The following CCSER2 variants were observed in gnomAD, a reference collection of about 807,000 sequenced individuals.
The protein encoded by CCSER2 is serine-rich coiled-coil domain-containing protein 2.
CCSER2 carries 46 observed loss-of-function variants against 92.3 expected under a neutral mutation model. The ratio of observed to expected loss-of-function variants is 0.50; its 90% CI spans 0.39 to 0.64. The LOEUF (loss-of-function observed/expected upper bound fraction) is 0.64. Among genes scored for constraint, CCSER2 ranks in the 30% least tolerant of loss-of-function variants. The probability of loss-of-function intolerance (pLI) is 0.00; values close to 1 mark genes in which losing one functional copy is unlikely to be tolerated. For synonymous variants in CCSER2, 433 were observed against 431.4 expected, an observed-to-expected ratio of 1.00 and a Z score of -0.04; for missense variants, 1,244 against 1,238.9, an observed-to-expected ratio of 1.00 and a Z score of -0.06.
chr10:84,462,470 G>T (rs1425581225), intron 6 of CCSER2, among the ~76,000 whole-genome samples: 1 of 152,144 alleles, frequency 6.6e-6, no homozygotes, highest in Non-Finnish European at 1.5e-5. Flanking sequence ...TTGTAGGTAG[G>T]ACTGGCGATG....
In CCSER2 at chr10:84,372,387, A is replaced by T. The variant is rs1361837565; in HGVS notation, c.1335A>T (p.Pro445=). 1 of 1,609,972 alleles carries T rather than the reference A, an allele frequency of 6.2e-7. No individual in the cohort carries two copies. Among genetic ancestry groups the T allele is most frequent in the Admixed American group, 1.7e-5 (1 of 59,158 alleles). ...AAGAAGAGAAACATGAAAATGGGCC[A>T]CCACAGGATATGTTTGATTCCCCCA... The part of the protein sequence containing the change: ...SLKEEKHENG[P]PQDMFDSPKE... Residue 445 remains proline (P), a synonymous_variant, in exon 2 of 10, where the codon CCA becomes CCT. Transcript: ENST00000372088.
In CCSER2 at chr10:84,517,420, A is replaced by G. The variant is rs1448639171; in HGVS notation, c.*3153A>G. On this transcript the variant is annotated 3_prime_UTR_variant, in exon 10 of 10. Coordinates refer to ENST00000372088, the MANE Select transcript of CCSER2 (RefSeq NM_001284240.2). ...TTGGAGTCTCATTTTTATTTGTGCAATATTTTCAGGCATATAGGCTACTGT... is the reference window on the plus strand; with the variant it reads ...TTGGAGTCTCATTTTTATTTGTGCAGTATTTTCAGGCATATAGGCTACTGT... 1.1e-4 allele frequency: 17 copies of G among 152,740 alleles called. No individual in the cohort carries two copies. In the South Asian group the frequency reaches 3.1e-3, roughly 28 times the overall value. 9.5% of individuals were successfully genotyped at this position (152,740 alleles called of 1,614,324 possible).
chr10:84,348,209 G>T (rs1012009483), intron 1 of CCSER2, among the ~76,000 whole-genome samples: 19 of 152,244 alleles, frequency 1.2e-4, no homozygotes, highest in African/African-American at 4.6e-4. Flanking sequence ...CCAGCACCTC[G>T]GGAGGCCGAG....
intron 1 of CCSER2, among the ~76,000 whole-genome samples, chr10:84,335,226 CTCTTTTT>C (rs1170991640): frequency 4.8e-4 from 46 of 95,068 alleles, no homozygotes; most frequent in Admixed American, 1.5e-3. Context: ...TTCTCTCTCT[CTCTTTTT>C]TTTTTTTTTT....
At chr10:84,432,571 T>C (rs6585861) in intron 5 of CCSER2, among the ~76,000 whole-genome samples, 31,903 of 152,198 alleles carry the variant, frequency 0.21, 3,604 homozygotes, top group Admixed American at 0.34. Context: ...CATTTTAAAA[T>C]TGGGTTGTTT....
intron 4 of CCSER2, among the ~76,000 whole-genome samples, chr10:84,423,873 A>C (rs1843280625): frequency 6.6e-6 from 1 of 150,534 alleles, no homozygotes; most frequent in South Asian, 2.1e-4. Flanking sequence ...AAGCCTGGGC[A>C]TGGTGATTCA....
chr10:84,335,576 A>G (rs1474643500), intron 1 of CCSER2, among the ~76,000 whole-genome samples: 1 of 151,966 alleles, frequency 6.6e-6, no homozygotes, highest in Non-Finnish European at 1.5e-5. Context: ...ATTAAATTCC[A>G]GTCCTGTTTT....
At chr10:84,388,560 C>A (rs1373276380) in intron 3 of CCSER2, among the ~76,000 whole-genome samples, 2 of 152,126 alleles carry the variant, frequency 1.3e-5, no homozygotes, top group African/African-American at 4.8e-5. Context: ...CCCTCCCACC[C>A]CCTTGAGCCA....
intron 9 of CCSER2, among the ~76,000 whole-genome samples, chr10:84,488,995 T>C (rs1294131459): frequency 3.3e-5 from 5 of 152,236 alleles, no homozygotes; most frequent in Admixed American, 2.6e-4. Context: ...TTTCGTTATG[T>C]ACCCAGTAGT....
intron 3 of CCSER2, among the ~76,000 whole-genome samples, chr10:84,406,356 T>G (rs1842376517): frequency 6.6e-6 from 1 of 152,176 alleles, no homozygotes; most frequent in Non-Finnish European, 1.5e-5. Flanking sequence ...TGTTTACACA[T>G]CTATTTGTGC....
chr10:84,456,489 G>A (rs1240664541), intron 6 of CCSER2, among the ~76,000 whole-genome samples: 1 of 152,110 alleles, frequency 6.6e-6, no homozygotes, highest in Non-Finnish European at 1.5e-5. Context: ...ACCAGCTGAA[G>A]GGTATTTATG....
At chr10:84,457,700 A>G (rs953173525) in intron 6 of CCSER2, among the ~76,000 whole-genome samples, 8 of 122,172 alleles carry the variant, frequency 6.5e-5, no homozygotes, top group South Asian at 2.3e-4. Flanking sequence ...ATATTTATAT[A>G]TAATTATATT....
At position 84,353,396 on chromosome 10, in the gene CCSER2, G is replaced by A. The variant is rs964841021; in HGVS notation, c.-39-17618G>A. Among the ~76,000 whole-genome samples the A allele has an allele frequency of 2.6e-5, 4 of 152,074 alleles. No individual in the cohort carries two copies. In the South Asian group the frequency reaches 6.2e-4, roughly 24 times the overall value. Reference sequence around the variant, plus strand: ...TATGCCAGGCTCTGTGCTAGATGCTGAGTATTAAAAAAACGAGTCTTTAAT... The same window carrying A: ...TATGCCAGGCTCTGTGCTAGATGCTAAGTATTAAAAAAACGAGTCTTTAAT... On this transcript the variant is annotated intron_variant, in intron 1 of 9. Transcript: ENST00000372088.
chr10:84,436,634 CAAAAAAAA>C (rs71013322), intron 5 of CCSER2, among the ~76,000 whole-genome samples: 3 of 93,932 alleles, frequency 3.2e-5, no homozygotes, highest in African/African-American at 1.3e-4. Flanking sequence ...GACTCCGTCT[CAAAAAAAA>C]AAAAAAAAAA....
intron 3 of CCSER2, among the ~76,000 whole-genome samples, chr10:84,404,216 G>A (rs537820006): frequency 6.6e-6 from 1 of 152,286 alleles, no homozygotes; most frequent in African/African-American, 2.4e-5. Context: ...GGGGCTCCAT[G>A]CCTTGATCCT....
chr10:84,453,751 G>A (rs533422645), intron 6 of CCSER2, among the ~76,000 whole-genome samples: 1 of 152,178 alleles, frequency 6.6e-6, no homozygotes, highest in South Asian at 2.1e-4. Flanking sequence ...AGTATTTTCA[G>A]GCTATTGTAT....
intron 3 of CCSER2, among the ~76,000 whole-genome samples, chr10:84,396,791 C>T (rs543182571): frequency 1.6e-4 from 25 of 152,230 alleles, no homozygotes; most frequent in African/African-American, 5.5e-4. Context: ...CCCGTCTTGG[C>T]CTTCCAAAGT....
At chr10:84,405,916 C>T (rs762991683) in intron 3 of CCSER2, among the ~76,000 whole-genome samples, 5 of 152,160 alleles carry the variant, frequency 3.3e-5, no homozygotes, top group African/African-American at 4.8e-5. Context: ...CATACACTCA[C>T]TGTATCATCT....
intron 3 of CCSER2, chr10:84,390,963 C>A: frequency 1.3e-6 from 1 of 764,560 alleles, no homozygotes. Context: ...TACTTGATAC[C>A]CTGGTCTTTG....
Sources: gnomAD v4.1 joint callset for allele counts (sites outside exome capture counted in the v4.1 genomes callset) on GRCh38, gnomAD v4.1.1 for gene constraint, MANE v1.5 for transcripts, NCBI Gene and HGNC (gene_info 2026-07-23, HGNC 2026-07-21) for gene names.